The following EYS variants were observed in gnomAD, a reference collection of about 807,000 sequenced individuals.
EYS encodes the protein protein eyes shut homolog.
In EYS, 250 loss-of-function variants were observed where a neutral mutation model predicts 282.1. That is an observed-to-expected ratio of 0.89 (90% CI 0.80 to 0.98). The LOEUF (loss-of-function observed/expected upper bound fraction) is 0.98, where lower values mean the gene tolerates loss of function less well. EYS is among the 50% of genes least tolerant of loss of function. The pLI is 0.00. For missense variants in EYS, 4,016 were observed against 3,709.0 expected (o/e 1.08, Z -2.15); for synonymous variants, 1,355 against 1,282.9 (o/e 1.06, Z -1.20).
intron 31 of EYS, among the ~76,000 whole-genome samples, chr6:64,212,285 T>A (rs1264525083): frequency 6.6e-6 from 1 of 151,938 alleles, no homozygotes; most frequent in Non-Finnish European, 1.5e-5. Flanking sequence ...GTCAGATTTT[T>A]AAAAAGTCAT....
intron 35 of EYS, among the ~76,000 whole-genome samples, chr6:63,894,216 T>C (rs934376844): frequency 1.5e-4 from 23 of 152,142 alleles, no homozygotes; most frequent in African/African-American, 5.3e-4. Context: ...ACCCAGAACT[T>C]GTAACTGTGA....
chr6:65,320,729 T>C (rs375860792), intron 11 of EYS, among the ~76,000 whole-genome samples: 1 of 152,204 alleles, frequency 6.6e-6, no homozygotes, highest in East Asian at 1.9e-4. Context: ...GGGATTCTTT[T>C]AGCTGCAGAG....
At chr6:65,385,971 G>T (rs1765784926) in intron 7 of EYS, among the ~76,000 whole-genome samples, 1 of 151,810 alleles carries the variant, frequency 6.6e-6, no homozygotes, top group Non-Finnish European at 1.5e-5. Context: ...TTTTGAGTTG[G>T]AATGGACTGA....
chr6:64,522,481 A>T (rs961656511), intron 26 of EYS, among the ~76,000 whole-genome samples: 1 of 151,736 alleles, frequency 6.6e-6, no homozygotes, highest in Admixed American at 6.6e-5. Context: ...AGTTTGTTAG[A>T]TGAAGGGAAT....
At chr6:64,770,120 A>G (rs896083452) in intron 22 of EYS, among the ~76,000 whole-genome samples, 25 of 151,896 alleles carry the variant, frequency 1.6e-4, no homozygotes, top group African/African-American at 6.0e-4. Flanking sequence ...GATTCTAGAA[A>G]TGTTTTCTTA....
intron 35 of EYS, among the ~76,000 whole-genome samples, chr6:63,892,439 A>G (rs1436432423): frequency 1.3e-5 from 2 of 152,300 alleles, no homozygotes; most frequent in East Asian, 3.9e-4. Context: ...ATCTACAACC[A>G]TCTGATCTTT....
intron 22 of EYS, 61 bp downstream of exon 22, chr6:64,813,317 G>A (rs1448321207): frequency 2.3e-5 from 30 of 1,281,042 alleles, no homozygotes; most frequent in Non-Finnish European, 2.8e-5. Flanking sequence ...CATTACTAGT[G>A]GGATGTTTAT....
chr6:64,691,779 G>A lies in EYS; in HGVS notation c.3444-65534C>T, dbSNP rs9452415. Among the ~76,000 whole-genome samples the A allele has an allele frequency of 6.7e-3, 1,014 of 152,164 alleles. 16 individuals are homozygous for A. The highest frequency in any genetic ancestry group is 0.023 in the African/African-American group (959 of 41,510). ...TGGTTTTCTGTTTCTGCATTAATTC[G>A]CTTCTGGTTATAGCCTCCAGCTCCA... is the stretch of plus-strand genomic sequence containing the variant. On this transcript the variant is annotated intron_variant, in intron 22 of 42. Coordinates refer to ENST00000503581, the MANE Select transcript of EYS (RefSeq NM_001142800.2).
intron 12 of EYS, among the ~76,000 whole-genome samples, chr6:65,166,240 A>G (rs528299862): frequency 6.6e-6 from 1 of 151,286 alleles, no homozygotes; most frequent in South Asian, 2.1e-4. Flanking sequence ...CTGATTTGAA[A>G]ATGTTTGCAG....
In EYS at chr6:64,151,337, A is replaced by ATATT. The variant is rs1399969202; in HGVS notation, c.6425-69336_6425-69335insAATA. On this transcript the variant is annotated intron_variant, in intron 31 of 42. Coordinates refer to ENST00000503581, the MANE Select transcript of EYS (RefSeq NM_001142800.2). ...TATATTTATATATATATATATATAT[A>ATATT]TATATATATATATATATATATATAT... 2.7e-4 allele frequency among the ~76,000 whole-genome samples: 31 copies of ATATT among 113,974 alleles called. 2 individuals carry two copies. Among genetic ancestry groups the ATATT allele is most frequent in the Non-Finnish European group, 2.3e-4 (14 of 59,820 alleles). 74.8% of individuals were successfully genotyped at this position (113,974 alleles called of 152,430 possible).
intron 5 of EYS, among the ~76,000 whole-genome samples, chr6:65,416,363 C>A (rs141312756): frequency 2.6e-5 from 4 of 151,860 alleles, no homozygotes; most frequent in African/African-American, 7.2e-5. Context: ...AAACAATTCT[C>A]CAAGTGTAAG....
chr6:65,705,228 T>C (rs1194634294), intron 1 of EYS, among the ~76,000 whole-genome samples: 4 of 152,208 alleles, frequency 2.6e-5, no homozygotes, highest in Non-Finnish European at 5.9e-5. Flanking sequence ...CAGGGAGCAA[T>C]TAACTCTTTG....
At chr6:64,196,477 A>T (rs1176737327) in intron 31 of EYS, among the ~76,000 whole-genome samples, 1 of 152,188 alleles carries the variant, frequency 6.6e-6, no homozygotes, top group East Asian at 1.9e-4. Flanking sequence ...CACAATAGCA[A>T]AGACTTGGAA....
chr6:64,621,122 C>A (rs951639497), intron 23 of EYS, among the ~76,000 whole-genome samples: 1 of 152,006 alleles, frequency 6.6e-6, no homozygotes, highest in Non-Finnish European at 1.5e-5. Flanking sequence ...AGGGAGCCAA[C>A]CCACCCAGCC....
At chr6:64,050,438 A>G (rs1770772372) in intron 33 of EYS, among the ~76,000 whole-genome samples, 3 of 152,200 alleles carry the variant, frequency 2.0e-5, no homozygotes, top group Admixed American at 1.3e-4. Flanking sequence ...AGAGGGTCTT[A>G]TAGTACCTGA....
At chr6:64,857,903 TC>T (rs1766115220) in intron 19 of EYS, among the ~76,000 whole-genome samples, 1 of 152,204 alleles carries the variant, frequency 6.6e-6, no homozygotes, top group Non-Finnish European at 1.5e-5. Flanking sequence ...TTGCATGTCT[TC>T]TTTTGAAAAA....
Position 63,753,813 on chromosome 6 carries a change from A to G in EYS, c.8071+8648T>C, listed in dbSNP as rs575356439. On this transcript the variant is annotated intron_variant, in intron 41 of 42. Coordinates refer to ENST00000503581, the MANE Select transcript of EYS (RefSeq NM_001142800.2). ...TAATAATTCAGACCTTATCTGCTAG[A>G]AATGTTTTTTTCAGATGAAGGGGTT... 3.9e-5 allele frequency among the ~76,000 whole-genome samples: 6 copies of G among 152,250 alleles called. No individual in the cohort carries two copies. The South Asian group carries it at 1.2e-3, about 32-fold the overall frequency.
At chr6:64,279,672 G>A (rs1409327150) in intron 30 of EYS, among the ~76,000 whole-genome samples, 2 of 152,092 alleles carry the variant, frequency 1.3e-5, no homozygotes, top group Non-Finnish European at 2.9e-5. Context: ...ATCCTTAGGC[G>A]GAGGAATACT....
intron 12 of EYS, among the ~76,000 whole-genome samples, chr6:65,256,266 T>C (rs923936630): frequency 1.4e-5 from 2 of 139,466 alleles, no homozygotes; most frequent in Non-Finnish European, 3.0e-5. Context: ...AAACTTCTTT[T>C]TTTTTTTCTT....
Sources: allele counts gnomAD v4.1 joint callset (sites outside exome capture counted in the v4.1 genomes callset), GRCh38; gene constraint gnomAD v4.1.1; transcripts MANE v1.5; gene names NCBI Gene and HGNC (gene_info 2026-07-23, HGNC 2026-07-21).